The following MCM10 variants were observed in gnomAD, a reference collection of about 807,000 sequenced individuals.
MCM10 encodes the protein minichromosome maintenance 10 replication initiation factor.
In MCM10, 91 loss-of-function variants were observed where a neutral mutation model predicts 109.9. The observed-to-expected ratio is 0.83, with a 90% CI of 0.70 to 0.99. MCM10 has a LOEUF of 0.99. Among genes scored for constraint, MCM10 ranks in the 50% least tolerant of loss-of-function variants. The pLI is 0.00. For missense variants in MCM10, 1,077 were observed against 1,061.2 expected (o/e 1.01, Z -0.21); for synonymous variants, 380 against 387.2 (o/e 0.98, Z 0.22).
chr10:13,176,904 A>T (rs1834148969), intron 6 of MCM10, among the ~76,000 whole-genome samples: 1 of 152,190 alleles, frequency 6.6e-6, no homozygotes, highest in African/African-American at 2.4e-5. Context: ...CACAAACAAG[A>T]AGTGTCTTGT....
chr10:13,203,951 C>T (rs891064328), intron 17 of MCM10, among the ~76,000 whole-genome samples: 9 of 152,152 alleles, frequency 5.9e-5, no homozygotes, highest in Admixed American at 2.0e-4. Flanking sequence ...CATCATGGAA[C>T]GTGTTACACA....
chr10:13,205,193 C>G (rs1302146110), intron 18 of MCM10, among the ~76,000 whole-genome samples: 1 of 151,874 alleles, frequency 6.6e-6, no homozygotes, highest in Non-Finnish European at 1.5e-5. Flanking sequence ...CCTCCCTCGC[C>G]CCCTCCCACC....
At chr10:13,192,200 T>G in intron 11 of MCM10, 55 bp from the exon 12 acceptor site, 2 of 1,175,570 alleles carry the variant, frequency 1.7e-6, no homozygotes, top group Non-Finnish European at 2.5e-6. Context: ...GTATGTCATA[T>G]GACCTCAAAC....
intron 6 of MCM10, among the ~76,000 whole-genome samples, chr10:13,179,343 G>A (rs1424694175): frequency 6.6e-6 from 1 of 152,150 alleles, no homozygotes; most frequent in African/African-American, 2.4e-5. Flanking sequence ...TGGACACCAT[G>A]GCTGTGGCCC....
chr10:13,203,735 C>G (rs987899090), intron 17 of MCM10, among the ~76,000 whole-genome samples: 5 of 152,166 alleles, frequency 3.3e-5, no homozygotes, highest in African/African-American at 1.2e-4. Flanking sequence ...ATCTCTCTGT[C>G]TTGGCTTTGC....
At chr10:13,190,666 A>G (rs1307509613) in intron 10 of MCM10, among the ~76,000 whole-genome samples, 1 of 152,130 alleles carries the variant, frequency 6.6e-6, no homozygotes, top group Non-Finnish European at 1.5e-5. Flanking sequence ...AGGCTGGACA[A>G]CAGAGTGAGA....
Position 13,209,286 on chromosome 10 carries a change from T to A in MCM10, c.2601T>A (p.Ala867=), listed in dbSNP as rs750087815. ...TGTTACCAAGAGGAGAAGAACATGC[T>A]AAATTTCTGAACAGCCTTAAATAAC... The part of the protein sequence containing the change: ...ETLLPRGEEH[A]KFLNSLK Residue 867 remains alanine (A), a synonymous_variant, in exon 20 of 20, where the codon GCT becomes GCA. Transcript: ENST00000378714. 1 of 1,613,920 alleles carries A rather than the reference T, an allele frequency of 6.2e-7. No individual in the cohort carries two copies. Among genetic ancestry groups the A allele is most frequent in the Non-Finnish European group, 8.5e-7 (1 of 1,179,934 alleles).
In MCM10 at chr10:13,182,557, G is replaced by T. The variant is rs1044174275; in HGVS notation, c.931-376G>T. On this transcript the variant is annotated intron_variant, in intron 7 of 19. Transcript: ENST00000378714. This position sits in a 1 kb window ranked among gnomAD's most constrained non-coding sequence, Gnocchi z 4.2. ...ACCTAATATTGATTCATATCAGTAA[G>T]TTATTAAATGGTACTGTCATACCTT... Among the ~76,000 whole-genome samples the T allele has an allele frequency of 3.3e-5, 5 of 152,094 alleles. No individual in the cohort carries two copies. Among genetic ancestry groups the T allele is most frequent in the African/African-American group, 1.2e-4 (5 of 41,434 alleles).
At chr10:13,189,212 C>A in intron 10 of MCM10, 132 bp downstream of exon 10, 2 of 967,954 alleles carry the variant, frequency 2.1e-6, no homozygotes. Context: ...CTACTTGAAA[C>A]AAGTTGGTTA....
At chr10:13,174,227 C>T (rs1834112370) in intron 5 of MCM10, among the ~76,000 whole-genome samples, 1 of 147,970 alleles carries the variant, frequency 6.8e-6, no homozygotes, top group South Asian at 2.2e-4. Context: ...ACTGCAACCT[C>T]CACCTTCTGG....
intron 5 of MCM10, among the ~76,000 whole-genome samples, chr10:13,173,470 T>C (rs983743235): frequency 6.6e-6 from 1 of 152,198 alleles, no homozygotes; most frequent in Non-Finnish European, 1.5e-5. Context: ...ACAGTCCTAG[T>C]TCAGCACACA....
At chr10:13,206,620 T>C (rs999500281) in intron 18 of MCM10, among the ~76,000 whole-genome samples, 1 of 152,090 alleles carries the variant, frequency 6.6e-6, no homozygotes, top group African/African-American at 2.4e-5. Context: ...TTGACTTTTT[T>C]CCAAACTAGA....
chr10:13,169,573 C>A (rs1834043768), intron 2 of MCM10, among the ~76,000 whole-genome samples: 1 of 152,118 alleles, frequency 6.6e-6, no homozygotes, highest in Non-Finnish European at 1.5e-5. Flanking sequence ...ACGATTACAG[C>A]GTATTTAGTA....
chr10:13,171,995 G>A (rs1414569168), intron 3 of MCM10, among the ~76,000 whole-genome samples: 4 of 151,592 alleles, frequency 2.6e-5, no homozygotes, highest in Non-Finnish European at 5.9e-5. Context: ...TGCTGGTCTC[G>A]AACTGCTGGG....
At chr10:13,171,308 A>G in intron 3 of MCM10, 45 bp downstream of exon 3, 1 of 1,493,822 alleles carries the variant, frequency 6.7e-7, no homozygotes, top group Non-Finnish European at 9.0e-7. Context: ...GATAAGTTGG[A>G]TGAAGACCAC....
intron 2 of MCM10, among the ~76,000 whole-genome samples, chr10:13,167,448 G>A (rs956112452): frequency 1.3e-5 from 2 of 152,162 alleles, no homozygotes; most frequent in African/African-American, 2.4e-5. Flanking sequence ...GCTGTGATGA[G>A]TTGGAGTTAC....
chr10:13,195,965 G>A (rs1588476666), intron 14 of MCM10, among the ~76,000 whole-genome samples: 1 of 152,044 alleles, frequency 6.6e-6, no homozygotes, highest in South Asian at 2.1e-4. Context: ...GTGCAGTGGT[G>A]CAATTATGGT....
intron 2 of MCM10, among the ~76,000 whole-genome samples, chr10:13,167,585 CG>C (rs56184428): frequency 0.094 from 13,601 of 145,448 alleles, 800 homozygotes; most frequent in East Asian, 0.19. Flanking sequence ...AGGGGAGGAC[CG>C]GGGGGGGCAT....
chr10:13,182,809 C>CA lies in MCM10; in HGVS notation c.931-122dup. Reference sequence around the variant, plus strand: ...ATGCTGATGATACATATTTGAATAACAACAAAAAAACTTGGATTTTATGGA... The same window carrying CA: ...ATGCTGATGATACATATTTGAATAACAAACAAAAAAACTTGGATTTTATGGA... On this transcript the variant is annotated intron_variant, in intron 7 of 19. Transcript: ENST00000378714. The surrounding 1 kb of genome is among the most constrained non-coding windows in gnomAD (Gnocchi z 4.2). The CA allele has an allele frequency of 2.9e-6, 2 of 684,948 alleles. No homozygotes were observed. The highest frequency in any genetic ancestry group is 3.6e-5 in the African/African-American group (2 of 55,586). 42.4% of individuals were successfully genotyped at this position (684,948 alleles called of 1,614,324 possible).
Sources: gnomAD v4.1 joint callset for allele counts (sites outside exome capture counted in the v4.1 genomes callset) on GRCh38, gnomAD v4.1.1 for gene constraint, Gnocchi (gnomAD v3.1) non-coding constraint, MANE v1.5 for transcripts, NCBI Gene and HGNC (gene_info 2026-07-23, HGNC 2026-07-21) for gene names.